UNC5C: variants seen among roughly 807,000 people sequenced by gnomAD.
The protein encoded by UNC5C is netrin receptor UNC5C.
A neutral mutation model predicts 99.8 loss-of-function variants in UNC5C; 47 were observed. That is an observed-to-expected ratio of 0.47 (90% CI 0.37 to 0.60). The LOEUF (loss-of-function observed/expected upper bound fraction) is 0.60. Among genes scored for constraint, UNC5C ranks in the 20% least tolerant of loss-of-function variants. The probability of loss-of-function intolerance (pLI) is 0.00; values close to 1 mark genes in which losing one functional copy is unlikely to be tolerated. For missense variants in UNC5C, 1,062 were observed against 1,165.9 expected, an observed-to-expected ratio of 0.91 and a Z score of 1.30; for synonymous variants, 487 against 452.2, an observed-to-expected ratio of 1.08 and a Z score of -0.98.
chr4:95,260,069 A>G (rs982459216), intron 4 of UNC5C, among the ~76,000 whole-genome samples: 1 of 152,094 alleles, frequency 6.6e-6, no homozygotes, highest in Non-Finnish European at 1.5e-5. Flanking sequence ...AAGTACACCT[A>G]TGTTGGTCCT....
chr4:95,517,651 A>G (rs1722251142), intron 1 of UNC5C, among the ~76,000 whole-genome samples: 1 of 152,200 alleles, frequency 6.6e-6, no homozygotes. Context: ...GAAATAAAGG[A>G]AAATATTTTA....
intron 9 of UNC5C, among the ~76,000 whole-genome samples, chr4:95,216,545 A>ATT (rs143150058): frequency 4.0e-5 from 6 of 151,076 alleles, no homozygotes; most frequent in South Asian, 2.1e-4. Context: ...CATCATTTCC[A>ATT]TTTTTTTTTA....
chr4:95,244,523 A>G (rs1252141281), intron 6 of UNC5C, among the ~76,000 whole-genome samples: 1 of 152,222 alleles, frequency 6.6e-6, no homozygotes, highest in East Asian at 1.9e-4. Flanking sequence ...TTCATTTCAA[A>G]TGTTGTATTT....
chr4:95,545,400 A>G (rs1356155213), intron 1 of UNC5C, among the ~76,000 whole-genome samples: 3 of 152,230 alleles, frequency 2.0e-5, no homozygotes, highest in Non-Finnish European at 4.4e-5. Context: ...ATGTGAATTC[A>G]TAAACTTTCT....
intron 2 of UNC5C, among the ~76,000 whole-genome samples, chr4:95,334,525 C>G (rs1743257364): frequency 6.6e-6 from 1 of 151,864 alleles, no homozygotes; most frequent in Non-Finnish European, 1.5e-5. Flanking sequence ...AAGAGTTATT[C>G]TGTCTGCTGG....
chr4:95,519,838 C>T (rs1578206257), intron 1 of UNC5C, among the ~76,000 whole-genome samples: 1 of 152,274 alleles, frequency 6.6e-6, no homozygotes, highest in East Asian at 1.9e-4. Context: ...TTTTGTCTTG[C>T]ATAACTGCAA....
rs190044825 is a variant in UNC5C at position 95,408,820 on chromosome 4, C to A, written c.125-73189G>T. 2.3e-3 allele frequency among the ~76,000 whole-genome samples: 347 copies of A among 152,254 alleles called. 1 individual carries two copies. The highest frequency in any genetic ancestry group is 8.0e-3 in the African/African-American group (334 of 41,550). On this transcript the variant is annotated intron_variant, in intron 1 of 15. Coordinates refer to ENST00000453304, the MANE Select transcript of UNC5C (RefSeq NM_003728.4). Reference sequence around the variant, plus strand: ...TCAAATATGAGATAAGGGTGATCTACAGCATGTAAGTATAACCTTAAGTAT... The same window carrying A: ...TCAAATATGAGATAAGGGTGATCTAAAGCATGTAAGTATAACCTTAAGTAT...
In UNC5C at chr4:95,448,227, T is replaced by TGAGAGAGAGAGAGAGAGA. The variant is rs1208781802; in HGVS notation, c.124+100489_124+100506dup. 8.4e-3 allele frequency among the ~76,000 whole-genome samples: 839 copies of TGAGAGAGAGAGAGAGAGA among 100,082 alleles called. 27 individuals are homozygous for TGAGAGAGAGAGAGAGAGA. The highest frequency in any genetic ancestry group is 0.012 in the Non-Finnish European group (616 of 49,822). 65.7% of individuals were successfully genotyped at this position (100,082 alleles called of 152,430 possible). A position where few individuals can be genotyped will look rare whatever the true frequency, so the allele number is the denominator to read the frequency against. On this transcript the variant is annotated intron_variant, in intron 1 of 15. Coordinates refer to ENST00000453304, the MANE Select transcript of UNC5C (RefSeq NM_003728.4). ...GTGTGTGTGTGTGTGTGTGTGTGTG[T>TGAGAGAGAGAGAGAGAGA]GAGAGAGAGAGAGAGAGAGAGAGAG...
At chr4:95,515,374 T>C (rs1722185328) in intron 1 of UNC5C, among the ~76,000 whole-genome samples, 1 of 152,206 alleles carries the variant, frequency 6.6e-6, no homozygotes, top group African/African-American at 2.4e-5. Flanking sequence ...TGCCCAAATT[T>C]AAACACTTAG....
At chr4:95,348,267 T>G (rs1560798042) in intron 1 of UNC5C, among the ~76,000 whole-genome samples, 1 of 151,740 alleles carries the variant, frequency 6.6e-6, no homozygotes, top group Non-Finnish European at 1.5e-5. Context: ...CAGTAACAAA[T>G]GCTGGAAAGG....
chr4:95,360,788 T>A (rs2149434549), intron 1 of UNC5C, among the ~76,000 whole-genome samples: 1 of 152,340 alleles, frequency 6.6e-6, no homozygotes, highest in East Asian at 1.9e-4. Flanking sequence ...CCAAGGCCTC[T>A]GTTTTATTAA....
chr4:95,433,651 T>A (rs1746694334), intron 1 of UNC5C, among the ~76,000 whole-genome samples: 2 of 152,134 alleles, frequency 1.3e-5, no homozygotes, highest in South Asian at 4.1e-4. Context: ...ATGTATATCA[T>A]TAACCAGAGT....
chr4:95,485,941 C>T (rs904328532), intron 1 of UNC5C, among the ~76,000 whole-genome samples: 2 of 151,386 alleles, frequency 1.3e-5, no homozygotes, highest in African/African-American at 4.8e-5. Flanking sequence ...ATTAAGAACC[C>T]TGCGATCATC....
chr4:95,546,934 C>T (rs542603110), intron 1 of UNC5C, among the ~76,000 whole-genome samples: 2 of 152,118 alleles, frequency 1.3e-5, no homozygotes, highest in African/African-American at 2.4e-5. Flanking sequence ...CCCCGTCCCC[C>T]TCTCCCGCCA....
In UNC5C at chr4:95,362,841, T is replaced by C. The variant is rs77510795; in HGVS notation, c.125-27210A>G. 6.6e-3 allele frequency among the ~76,000 whole-genome samples: 1,007 copies of C among 152,196 alleles called. 8 individuals are homozygous for C. Among genetic ancestry groups the C allele is most frequent in the Non-Finnish European group, 8.9e-3 (605 of 68,010 alleles). ...ATAGGCACTCTAGGGCCTGGGAATA[T>C]GAAGATCAAGAAAATGAAACAAGTT... is the stretch of plus-strand genomic sequence containing the variant. On this transcript the variant is annotated intron_variant, in intron 1 of 15. Transcript: ENST00000453304.
chr4:95,194,031 C>T (rs181396252), intron 12 of UNC5C, among the ~76,000 whole-genome samples: 4 of 152,314 alleles, frequency 2.6e-5, no homozygotes, highest in South Asian at 2.1e-4. Context: ...AACATCTCCC[C>T]GTCAAGTTGC....
At chr4:95,541,566 A>T (rs1722921327) in intron 1 of UNC5C, among the ~76,000 whole-genome samples, 1 of 152,158 alleles carries the variant, frequency 6.6e-6, no homozygotes, top group Admixed American at 6.5e-5. Context: ...AATGTATTTT[A>T]TGAATTAATT....
At chr4:95,235,806 C>T (rs1014454160) in intron 7 of UNC5C, among the ~76,000 whole-genome samples, 7 of 152,240 alleles carry the variant, frequency 4.6e-5, no homozygotes, top group African/African-American at 1.7e-4. Flanking sequence ...CAAAAGAAGA[C>T]ATTTATGCAG....
At chr4:95,210,374 A>G (rs922409017) in intron 10 of UNC5C, among the ~76,000 whole-genome samples, 6 of 152,234 alleles carry the variant, frequency 3.9e-5, no homozygotes, top group African/African-American at 1.4e-4. Context: ...AATTGCAAAT[A>G]TCTGAGCATA....
Sources: gnomAD v4.1 joint callset for allele counts (sites outside exome capture counted in the v4.1 genomes callset) on GRCh38, gnomAD v4.1.1 for gene constraint, MANE v1.5 for transcripts, NCBI Gene and HGNC (gene_info 2026-07-23, HGNC 2026-07-21) for gene names.